The following TMEM178B variants were observed in gnomAD, a reference collection of about 807,000 sequenced individuals.
TMEM178B encodes transmembrane protein 178B.
Under a neutral mutation model 31.0 loss-of-function variants are expected in TMEM178B, and 5 were observed. That is an observed-to-expected ratio of 0.16 (90% CI 0.08 to 0.34). The LOEUF (loss-of-function observed/expected upper bound fraction) is 0.34, where lower values mean the gene tolerates loss of function less well. TMEM178B is among the 10% of genes least tolerant of loss of function. The pLI is 1.00. For missense variants in TMEM178B, 275 were observed against 400.3 expected, an observed-to-expected ratio of 0.69 and a Z score of 2.67; for synonymous variants, 164 against 164.0, an observed-to-expected ratio of 1.00 and a Z score of 0.00.
chr7:141,108,348 G>A (rs1795179096), intron 1 of TMEM178B, among the ~76,000 whole-genome samples: 1 of 152,174 alleles, frequency 6.6e-6, no homozygotes, highest in African/African-American at 2.4e-5. Flanking sequence ...AATCGTTAGA[G>A]TGATGTTATT....
chr7:141,459,419 CA>C (rs1160903046), intron 3 of TMEM178B, among the ~76,000 whole-genome samples: 1 of 152,132 alleles, frequency 6.6e-6, no homozygotes, highest in Non-Finnish European at 1.5e-5. Flanking sequence ...TGTGGGATAC[CA>C]AAGGAGACAC....
chr7:141,203,015 C>G (rs1796903487), intron 1 of TMEM178B, among the ~76,000 whole-genome samples: 1 of 152,146 alleles, frequency 6.6e-6, no homozygotes, highest in African/African-American at 2.4e-5. Flanking sequence ...TCTTTAAGCC[C>G]CTAGACTCCT....
At chr7:141,504,222 T>G in the TMEM178B span, among the ~76,000 whole-genome samples, 1 of 152,346 alleles carries the variant, frequency 6.6e-6, no homozygotes, top group South Asian at 2.1e-4. Context: ...TGGGATAGCT[T>G]AGATTTTTAA....
intron 2 of TMEM178B, among the ~76,000 whole-genome samples, chr7:141,236,699 C>T (rs563326040): frequency 5.3e-5 from 8 of 152,192 alleles, no homozygotes; most frequent in Admixed American, 3.9e-4. Flanking sequence ...TGGGAACAGT[C>T]AATGGGAAAC....
chr7:141,224,801 C>T (rs1303166768), intron 2 of TMEM178B, among the ~76,000 whole-genome samples: 1 of 152,132 alleles, frequency 6.6e-6, no homozygotes, highest in East Asian at 1.9e-4. Context: ...GCGATGACAC[C>T]CCTTGGAGAG....
At chr7:141,289,719 AAAAAAAAAAAAAG>A (rs1167204390) in intron 2 of TMEM178B, among the ~76,000 whole-genome samples, 1 of 151,024 alleles carries the variant, frequency 6.6e-6, no homozygotes, top group Non-Finnish European at 1.5e-5. Context: ...TGTCTCAAAA[AAAAAAAAAAAAAG>A]AAAAAAGAAA....
chr7:141,376,555 A>T (rs1255777444), intron 2 of TMEM178B, among the ~76,000 whole-genome samples: 1 of 152,240 alleles, frequency 6.6e-6, no homozygotes, highest in African/African-American at 2.4e-5. Flanking sequence ...AACATGTTTA[A>T]CATTAATCCA....
intron 2 of TMEM178B, among the ~76,000 whole-genome samples, chr7:141,337,020 CCACCAT>C (rs1799416719): frequency 1.2e-5 from 1 of 86,032 alleles, no homozygotes. Context: ...ACCACCATCA[CCACCAT>C]CACCACCACC....
chr7:141,448,397 C>G (rs976757875), intron 3 of TMEM178B, among the ~76,000 whole-genome samples: 1 of 152,062 alleles, frequency 6.6e-6, no homozygotes, highest in Non-Finnish European at 1.5e-5. Flanking sequence ...TGATAATGTC[C>G]TGGACTGGTG....
intron 1 of TMEM178B, among the ~76,000 whole-genome samples, chr7:141,129,894 A>G (rs577455997): frequency 2.0e-5 from 3 of 152,270 alleles, no homozygotes; most frequent in Admixed American, 2.0e-4. Context: ...TTTCCAGTTG[A>G]CAATTTGTTG....
At chr7:141,384,763 G>C (rs905984110) in intron 2 of TMEM178B, among the ~76,000 whole-genome samples, 26 of 152,242 alleles carry the variant, frequency 1.7e-4, no homozygotes, top group African/African-American at 6.3e-4. Context: ...GAAAGTCATT[G>C]GTAGCTTTTA....
At chr7:141,234,465 T>C (rs1380280227) in intron 2 of TMEM178B, among the ~76,000 whole-genome samples, 1 of 152,054 alleles carries the variant, frequency 6.6e-6, no homozygotes, top group African/African-American at 2.4e-5. Context: ...AGAGAGGAGT[T>C]CTGTGTGGCT....
chr7:141,118,125 C>T (rs562103026), intron 1 of TMEM178B, among the ~76,000 whole-genome samples: 2 of 152,276 alleles, frequency 1.3e-5, no homozygotes, highest in African/African-American at 4.8e-5. Context: ...TGGTGGGACT[C>T]GATCAGCACT....
At chr7:141,145,167 C>T (rs373394077) in intron 1 of TMEM178B, among the ~76,000 whole-genome samples, 224 of 152,304 alleles carry the variant, frequency 1.5e-3, no homozygotes, top group Middle Eastern at 6.8e-3. Context: ...CTGGTGGACC[C>T]TCGGTTGCCC....
At chr7:141,506,529 G>T in the TMEM178B span, among the ~76,000 whole-genome samples, 27 of 152,168 alleles carry the variant, frequency 1.8e-4, no homozygotes, top group Non-Finnish European at 3.4e-4. Context: ...CATGAGAATA[G>T]CACAGGGAAG....
intron 1 of TMEM178B, among the ~76,000 whole-genome samples, chr7:141,139,070 G>A (rs905520513): frequency 6.6e-6 from 1 of 152,040 alleles, no homozygotes; most frequent in African/African-American, 2.4e-5. Context: ...TTTTCAGGAG[G>A]GTTTTTTCTC....
chr7:141,272,456 A>C (rs941547774), intron 2 of TMEM178B, among the ~76,000 whole-genome samples: 1 of 152,244 alleles, frequency 6.6e-6, no homozygotes, highest in Non-Finnish European at 1.5e-5. Context: ...GATTCACTGA[A>C]AACAAGAAAA....
intron 1 of TMEM178B, among the ~76,000 whole-genome samples, chr7:141,172,707 T>C (rs1796367781): frequency 2.0e-5 from 3 of 152,186 alleles, no homozygotes; most frequent in African/African-American, 4.8e-5. Context: ...CTGGCCACAT[T>C]GGCTAAGGGA....
At chr7:141,297,669 C>T (rs1194226071) in intron 2 of TMEM178B, among the ~76,000 whole-genome samples, 3 of 152,190 alleles carry the variant, frequency 2.0e-5, no homozygotes, top group African/African-American at 7.2e-5. Flanking sequence ...ATCCATGTCC[C>T]TACAAAGGAC....
Sources: allele counts gnomAD v4.1 joint callset (sites outside exome capture counted in the v4.1 genomes callset), GRCh38; gene constraint gnomAD v4.1.1; transcripts MANE v1.5; gene names NCBI Gene and HGNC (gene_info 2026-07-23, HGNC 2026-07-21).